PPP2R5C: variants seen among roughly 807,000 people sequenced by gnomAD.
PPP2R5C encodes the protein serine/threonine-protein phosphatase 2A 56 kDa regulatory subunit gamma isoform.
In PPP2R5C, 7 loss-of-function variants were observed where a neutral mutation model predicts 68.9. That is an observed-to-expected ratio of 0.10 (90% CI 0.06 to 0.19). PPP2R5C has a LOEUF of 0.19. Ranked by LOEUF, PPP2R5C falls within the 10% of genes least tolerant of loss-of-function variation. The pLI is 1.00. For synonymous variants in PPP2R5C, 210 were observed against 222.2 expected (o/e 0.95, Z 0.49); for missense variants, 348 against 641.3 (o/e 0.54, Z 4.94).
chr14:101,800,585 T>C (rs573469476), intron 3 of PPP2R5C, among the ~76,000 whole-genome samples: 2 of 150,110 alleles, frequency 1.3e-5, no homozygotes, highest in East Asian at 3.9e-4. Flanking sequence ...AAATTAAAAA[T>C]ATATATAAAA....
At chr14:101,823,967 G>A (rs2040243932) in intron 1 of PPP2R5C, 1 of 1,288,720 alleles carries the variant, frequency 7.8e-7, no homozygotes, top group Admixed American at 2.3e-5. Context: ...TAGGGTTTGT[G>A]GTTATGGATG....
chr14:101,873,898 G>A (rs1402033474), intron 2 of PPP2R5C, among the ~76,000 whole-genome samples: 1 of 152,024 alleles, frequency 6.6e-6, no homozygotes, highest in African/African-American at 2.4e-5. Context: ...CTTATCCTTC[G>A]TTGTCTGAAA....
At chr14:101,799,957 C>T (rs557040400) in intron 3 of PPP2R5C, among the ~76,000 whole-genome samples, 1 of 152,342 alleles carries the variant, frequency 6.6e-6, no homozygotes, top group South Asian at 2.1e-4. Flanking sequence ...ATCTATATCT[C>T]TTTTTAAAAA....
At chr14:101,839,123 G>A (rs1403718260) in intron 1 of PPP2R5C, 1 of 151,644 alleles carries the variant, frequency 6.6e-6, no homozygotes, top group Non-Finnish European at 1.5e-5. Context: ...GGCTGAGGCA[G>A]GTGGATCATC....
At chr14:101,921,803 A>G (rs57534774) in intron 13 of PPP2R5C, among the ~76,000 whole-genome samples, 29,750 of 152,106 alleles carry the variant, frequency 0.2, 4,703 homozygotes, top group African/African-American at 0.43. Context: ...ATGCTGATGG[A>G]TGGAGTAGGC....
In PPP2R5C at chr14:101,915,307, C is replaced by A. The variant is rs182391413; in HGVS notation, c.1327-2524C>A. On this transcript the variant is annotated intron_variant, in intron 12 of 13. Transcript: ENST00000334743. The surrounding 1 kb of genome is among the most constrained non-coding windows in gnomAD (Gnocchi z 4.2). ...ATGTTGGCCAGGCTGGTCTCGAACT[C>A]CTGACCTTGTGATCTACCTGCCTCG... is the stretch of plus-strand genomic sequence containing the variant. Among the ~76,000 whole-genome samples, 145 of 152,236 alleles carry A rather than the reference C, an allele frequency of 9.5e-4. No homozygotes were observed. The highest frequency in any genetic ancestry group is 3.2e-3 in the African/African-American group (133 of 41,544).
At chr14:101,787,680 T>C (rs2038174682) in intron 3 of PPP2R5C, among the ~76,000 whole-genome samples, 4 of 145,112 alleles carry the variant, frequency 2.8e-5, no homozygotes. Flanking sequence ...GGCGGGAGAA[T>C]GGCGTGAACC....
intron 1 of PPP2R5C, chr14:101,823,896 T>G (rs1257209388): frequency 1.6e-6 from 2 of 1,271,266 alleles, no homozygotes. Context: ...GTTGATCTTA[T>G]GGTGTCATCT....
rs1221107637 is a variant in PPP2R5C at position 101,797,226 on chromosome 14, A to G, written c.259+11043A>G. ...TATCTTCCAGGTCCCCCCACATTGT[A>G]GCACGTGCCAGACCCTCGCTCCCGT... On this transcript the variant is annotated intron_variant, in intron 3 of 14. Transcript: ENST00000328724. This position sits in a 1 kb window ranked among gnomAD's most constrained non-coding sequence, Gnocchi z 4.2. The G allele has an allele frequency of 8.8e-6, 4 of 455,930 alleles. No homozygotes were observed. The highest frequency in any genetic ancestry group is 1.8e-5 in the Non-Finnish European group (4 of 226,792). 28.2% of individuals were successfully genotyped at this position (455,930 alleles called of 1,614,324 possible). A position where few individuals can be genotyped will look rare whatever the true frequency, so the allele number is the denominator to read the frequency against.
At position 101,915,994 on chromosome 14, in the gene PPP2R5C, G is replaced by A. The variant is rs1018027432; in HGVS notation, c.1327-1837G>A. Among the ~76,000 whole-genome samples, 2 of 152,206 alleles carry A rather than the reference G, an allele frequency of 1.3e-5. No homozygotes were observed. Among genetic ancestry groups the A allele is most frequent in the African/African-American group, 4.8e-5 (2 of 41,460 alleles). ...GTAGAGAAAAGCAGGGACACAGTGG[G>A]TGACAGGTGTCGGTCCTGGTGGGGT... On this transcript the variant is annotated intron_variant, in intron 12 of 13. Transcript: ENST00000334743. This position sits in a 1 kb window ranked among gnomAD's most constrained non-coding sequence, Gnocchi z 4.2.
At chr14:101,761,801 GCCGCGGGGGCGCGA>G (rs1241947288), upstream of PPP2R5C, 3 of 964,492 alleles carry the variant, frequency 3.1e-6, no homozygotes, top group African/African-American at 3.8e-5. Flanking sequence ...GGCGGCGGCG[GCCGCGGGGGCGCGA>G]CGGCCGGGGC....
intron 1 of PPP2R5C, among the ~76,000 whole-genome samples, chr14:101,821,481 G>GTA (rs1390710131): frequency 5.3e-5 from 8 of 151,668 alleles, no homozygotes; most frequent in Middle Eastern, 6.8e-3. Context: ...GTGTGTGTGT[G>GTA]TGTATTTATC....
intron 2 of PPP2R5C, among the ~76,000 whole-genome samples, chr14:101,771,070 C>A (rs1281776916): frequency 6.6e-6 from 1 of 152,222 alleles, no homozygotes; most frequent in Non-Finnish European, 1.5e-5. Flanking sequence ...TCCAGTGCTC[C>A]TGCAGTGAAG....
At position 101,822,725 on chromosome 14, in the gene PPP2R5C, ATAT is replaced by A. The variant is rs2040157896; in HGVS notation, c.94+12690_94+12692del. ...TGACTTTTCTCATTCAAATAGTCTAATATCAGTGGATATGAATTCTGCATTTTT... is the reference window on the plus strand; with the variant it reads ...TGACTTTTCTCATTCAAATAGTCTAACAGTGGATATGAATTCTGCATTTTT... On this transcript the variant is annotated intron_variant, in intron 1 of 13. Coordinates refer to ENST00000334743, the Ensembl canonical transcript of PPP2R5C. Among the ~76,000 whole-genome samples the A allele has an allele frequency of 5.3e-5, 8 of 152,342 alleles. No homozygotes were observed. The South Asian group carries it at 1.7e-3, about 32-fold the overall frequency.
chr14:101,901,467 C>T (rs1290889024), intron 8 of PPP2R5C, among the ~76,000 whole-genome samples: 3 of 152,152 alleles, frequency 2.0e-5, no homozygotes, highest in Non-Finnish European at 2.9e-5. Flanking sequence ...CAAGTCCAGC[C>T]TGGACAACAT....
At chr14:101,851,473 G>C (rs2042150152) in intron 1 of PPP2R5C, among the ~76,000 whole-genome samples, 1 of 152,110 alleles carries the variant, frequency 6.6e-6, no homozygotes, top group Non-Finnish European at 1.5e-5. Flanking sequence ...TGAGGGTGCT[G>C]CTTGACCTGA....
intron 1 of PPP2R5C, among the ~76,000 whole-genome samples, chr14:101,842,473 G>C (rs1197357522): frequency 6.6e-6 from 1 of 152,188 alleles, no homozygotes; most frequent in African/African-American, 2.4e-5. Flanking sequence ...GAGCAAGCTG[G>C]GGTTCGGCCC....
chr14:101,779,509 C>A (rs1460942070), intron 2 of PPP2R5C, among the ~76,000 whole-genome samples: 1 of 152,084 alleles, frequency 6.6e-6, no homozygotes, highest in Non-Finnish European at 1.5e-5. Context: ...GAGGGCATTT[C>A]ATGCTGAAGA....
At chr14:101,776,881 CT>C (rs1302841711) in intron 2 of PPP2R5C, among the ~76,000 whole-genome samples, 3,834 of 140,192 alleles carry the variant, frequency 0.027, 49 homozygotes, top group African/African-American at 0.048. Flanking sequence ...ACCTCATTCC[CT>C]TTTTTTTTTT....
Sources: gnomAD v4.1 joint callset for allele counts (sites outside exome capture counted in the v4.1 genomes callset) on GRCh38, gnomAD v4.1.1 for gene constraint, Gnocchi (gnomAD v3.1) non-coding constraint, MANE v1.5 for transcripts, NCBI Gene and HGNC (gene_info 2026-07-23, HGNC 2026-07-21) for gene names.